The following GIGYF2 variants were observed in gnomAD, a reference collection of about 807,000 sequenced individuals.
GIGYF2 encodes the protein GRB10 interacting GYF protein 2.
A neutral mutation model predicts 208.1 loss-of-function variants in GIGYF2; 25 were observed. The observed-to-expected ratio is 0.12, with a 90% confidence interval of 0.09 to 0.17. GIGYF2 has a LOEUF of 0.17. Among genes scored for constraint, GIGYF2 ranks in the 10% least tolerant of loss-of-function variants. GIGYF2 has a pLI of 1.00. For synonymous variants in GIGYF2, 534 were observed against 543.8 expected (o/e 0.98, Z 0.25); for missense variants, 1,302 against 1,579.4 (o/e 0.82, Z 2.98).
rs561616045 is a variant in GIGYF2, at chr2:232,819,977, C to T, written c.2521C>T (p.Arg841Cys). 31 of 1,612,414 alleles carry T rather than the reference C, an allele frequency of 1.9e-5. No homozygotes were observed. Among genetic ancestry groups the T allele is most frequent in the Middle Eastern group, 3.3e-4 (2 of 6,062 alleles). Residue 841 changes from arginine to cysteine, a missense_variant, in exon 21 of 29, where the codon CGC becomes TGC. Coordinates refer to ENST00000373563, the MANE Select transcript of GIGYF2 (RefSeq NM_001103146.3). ...AAGGCGGAAGCAGGAAGAATTGTTA[C>T]GCAAACAGGTGACCAGATGGTTTTG... Reference protein sequence around the residue: ...EERRKQEELLRKQEEEAAKWA... With the variant: ...EERRKQEELLCKQEEEAAKWA...
At chr2:232,776,566 G>A in intron 8 of GIGYF2, 1 of 772,078 alleles carries the variant, frequency 1.3e-6, no homozygotes, top group Non-Finnish European at 2.3e-6. Context: ...TTCTTGGACT[G>A]GTTTTACAGC....
At position 232,805,535 on chromosome 2, in the gene GIGYF2, CTT is replaced by C. The variant is rs926966439; in HGVS notation, c.1640-952_1640-951del. On this transcript the variant is annotated intron_variant, in intron 14 of 28. Coordinates refer to ENST00000373563, the MANE Select transcript of GIGYF2 (RefSeq NM_001103146.3). The stretch of plus-strand genomic sequence containing the variant: ...TTAAGTTAATATTTGCATGATATAT[CTT>C]TTTCTCTCCTCAGTCTGCCTACTTT... Among the ~76,000 whole-genome samples the C allele has an allele frequency of 2.6e-5, 4 of 152,252 alleles. 1 individual carries two copies. The highest frequency in any genetic ancestry group is 6.5e-5 in the Admixed American group (1 of 15,290).
At chr2:232,755,163 C>CCTTA (rs955074061) in intron 5 of GIGYF2, among the ~76,000 whole-genome samples, 5 of 151,878 alleles carry the variant, frequency 3.3e-5, no homozygotes, top group Admixed American at 3.3e-4. Flanking sequence ...TTCTTTTTTA[C>CCTTA]CTTACTTCTT....
chr2:232,829,327 T>C (rs560443835), intron 21 of GIGYF2, among the ~76,000 whole-genome samples: 18 of 152,340 alleles, frequency 1.2e-4, no homozygotes, highest in African/African-American at 4.3e-4. Flanking sequence ...TCTAGTAGTC[T>C]TTGGTGTTTG....
intron 6 of GIGYF2, among the ~76,000 whole-genome samples, chr2:232,757,930 A>G (rs1270182995): frequency 2.0e-5 from 3 of 152,218 alleles, no homozygotes; most frequent in African/African-American, 4.8e-5. Context: ...TAATCAGGCT[A>G]TGTAAAAAAG....
intron 2 of GIGYF2, among the ~76,000 whole-genome samples, chr2:232,719,868 A>G (rs778398727): frequency 6.6e-6 from 1 of 152,200 alleles, no homozygotes; most frequent in Non-Finnish European, 1.5e-5. Context: ...TGAGTAATGG[A>G]CAAAGTCTGA....
At chr2:232,754,269 C>G (rs1698448977) in intron 5 of GIGYF2, among the ~76,000 whole-genome samples, 1 of 150,862 alleles carries the variant, frequency 6.6e-6, no homozygotes, top group South Asian at 2.2e-4. Flanking sequence ...TTAGGATTGG[C>G]TAATACATAG....
intron 6 of GIGYF2, chr2:232,760,059 G>A (rs1328970660): frequency 5.9e-6 from 1 of 168,238 alleles, no homozygotes; most frequent in African/African-American, 2.4e-5. Context: ...TAACTTTTAT[G>A]CTTGACTTTT....
At chr2:232,712,601 A>T (rs1696472134) in intron 2 of GIGYF2, among the ~76,000 whole-genome samples, 1 of 152,210 alleles carries the variant, frequency 6.6e-6, no homozygotes, top group African/African-American at 2.4e-5. Context: ...AACACATTGA[A>T]AAATGCAAAT....
chr2:232,782,870 T>C (rs891366871), intron 8 of GIGYF2: 3 of 152,220 alleles, frequency 2.0e-5, no homozygotes, highest in Non-Finnish European at 4.4e-5. Flanking sequence ...GAAGGGCTGA[T>C]TGGGAGGACG....
intron 2 of GIGYF2, among the ~76,000 whole-genome samples, chr2:232,727,891 G>A (rs752630664): frequency 1.1e-4 from 17 of 152,100 alleles, no homozygotes; most frequent in African/African-American, 1.7e-4. Context: ...AACCATCCTC[G>A]TTATCTGTCT....
rs1184963280 is a variant in GIGYF2, at chr2:232,796,164, T to C, written c.1582T>C (p.Leu528=). The C allele has an allele frequency of 1.2e-6, 2 of 1,601,050 alleles. No individual in the cohort carries two copies. Among genetic ancestry groups the C allele is most frequent in the Non-Finnish European group, 1.7e-6 (2 of 1,168,082 alleles). ...CAGAGCTAAAGGAGTGTCGATTCCA[T>C]TGATGCATGAAGCAATGCAGAAGTG... ...EHRAKGVSIP[L]MHEAMQKWYY... is the part of the protein sequence containing the mutation. Residue 528 remains leucine (L), a synonymous_variant, in exon 14 of 29, where the codon TTG becomes CTG. Coordinates refer to ENST00000373563, the MANE Select transcript of GIGYF2 (RefSeq NM_001103146.3).
intron 28 of GIGYF2, among the ~76,000 whole-genome samples, chr2:232,856,060 A>G (rs1198743937): frequency 6.6e-6 from 1 of 152,000 alleles, no homozygotes; most frequent in African/African-American, 2.4e-5. Flanking sequence ...CCTCCCGAGT[A>G]GCTGGGACTA....
At chr2:232,757,596 C>T (rs1374131279) in intron 6 of GIGYF2, among the ~76,000 whole-genome samples, 1 of 152,074 alleles carries the variant, frequency 6.6e-6, no homozygotes, top group East Asian at 1.9e-4. Context: ...TGGCCTGCTG[C>T]TTGGGCATTT....
At chr2:232,726,242 G>A (rs1270414724) in intron 2 of GIGYF2, among the ~76,000 whole-genome samples, 4 of 151,810 alleles carry the variant, frequency 2.6e-5, no homozygotes, top group Non-Finnish European at 4.4e-5. Flanking sequence ...GGTGTTCGGC[G>A]CCTGTAATCC....
intron 8 of GIGYF2, among the ~76,000 whole-genome samples, chr2:232,775,264 T>C (rs1358577378): frequency 6.6e-6 from 1 of 152,176 alleles, no homozygotes; most frequent in East Asian, 1.9e-4. Flanking sequence ...TCTAGCACTG[T>C]TGGTTACATA....
At chr2:232,767,979 G>T in intron 8 of GIGYF2, 1 of 560,804 alleles carries the variant, frequency 1.8e-6, no homozygotes, top group Non-Finnish European at 3.2e-6. Context: ...GAGTTACATT[G>T]ATTTCAGCAG....
chr2:232,740,173 T>C (rs951312908), intron 3 of GIGYF2, among the ~76,000 whole-genome samples: 2 of 152,048 alleles, frequency 1.3e-5, no homozygotes, highest in African/African-American at 4.8e-5. Flanking sequence ...CAAAAATCTA[T>C]TCAGTCGAGT....
intron 3 of GIGYF2, among the ~76,000 whole-genome samples, chr2:232,743,438 C>T (rs532542357): frequency 2.7e-4 from 41 of 151,930 alleles, no homozygotes; most frequent in Non-Finnish European, 5.1e-4. Flanking sequence ...CTTTTAGGTT[C>T]GGGGGTACAT....
Sources: gnomAD v4.1 joint callset for allele counts (sites outside exome capture counted in the v4.1 genomes callset) on GRCh38, gnomAD v4.1.1 for gene constraint, MANE v1.5 for transcripts, NCBI Gene and HGNC (gene_info 2026-07-23, HGNC 2026-07-21) for gene names.